Variants in LRRTM4 observed in about 807,000 individuals in gnomAD.
LRRTM4 encodes leucine-rich repeat transmembrane neuronal protein 4.
Under a neutral mutation model 47.6 loss-of-function variants are expected in LRRTM4, and 25 were observed. The ratio of observed to expected loss-of-function variants is 0.53; its 90% CI spans 0.38 to 0.73. The LOEUF (loss-of-function observed/expected upper bound fraction) is 0.73. Among genes scored for constraint, LRRTM4 ranks in the 30% least tolerant of loss-of-function variants. LRRTM4 has a pLI of 0.00. For missense variants in LRRTM4, 638 were observed against 713.4 expected, an observed-to-expected ratio of 0.89 and a Z score of 1.20; for synonymous variants, 311 against 269.5, an observed-to-expected ratio of 1.15 and a Z score of -1.51.
intron 3 of LRRTM4, among the ~76,000 whole-genome samples, chr2:76,783,469 A>G (rs1299752659): frequency 2.6e-5 from 4 of 152,168 alleles, no homozygotes; most frequent in East Asian, 1.9e-4. Flanking sequence ...GTTGTGCCAC[A>G]TCATGACCAT....
intron 3 of LRRTM4, among the ~76,000 whole-genome samples, chr2:77,130,824 ATTTTTTTT>A (rs768577274): frequency 2.8e-4 from 10 of 35,632 alleles, no homozygotes; most frequent in East Asian, 1.1e-3. Flanking sequence ...TATTTGTTCT[ATTTTTTTT>A]TTTTTTTTTT....
chr2:76,918,207 T>C (rs948575946), intron 3 of LRRTM4, among the ~76,000 whole-genome samples: 1 of 152,258 alleles, frequency 6.6e-6, no homozygotes, highest in African/African-American at 2.4e-5. Flanking sequence ...AAATGTCTGC[T>C]TTCTTAATCC....
In LRRTM4 at chr2:77,275,623, C is replaced by A. The variant is rs76541363; in HGVS notation, c.1551+242695G>T. ...CTGTGTATCTTGCTTGGCTACCCTCCGGTCTATGCAAGGATTTAGGCTTCT... is the reference window on the plus strand; with the variant it reads ...CTGTGTATCTTGCTTGGCTACCCTCAGGTCTATGCAAGGATTTAGGCTTCT... On this transcript the variant is annotated intron_variant, in intron 3 of 3. Transcript: ENST00000409884. 8.5e-3 allele frequency among the ~76,000 whole-genome samples: 1,297 copies of A among 152,156 alleles called. 14 individuals are homozygous for A. Among genetic ancestry groups the A allele is most frequent in the African/African-American group, 0.029 (1,213 of 41,512 alleles).
At chr2:77,083,310 G>T (rs1680591069) in intron 3 of LRRTM4, among the ~76,000 whole-genome samples, 2 of 152,266 alleles carry the variant, frequency 1.3e-5, no homozygotes, top group African/African-American at 4.8e-5. Flanking sequence ...GAGCTCCATA[G>T]TAGGGGTCCT....
chr2:77,392,884 C>T (rs191822876), intron 3 of LRRTM4, among the ~76,000 whole-genome samples: 1 of 152,098 alleles, frequency 6.6e-6, no homozygotes, highest in East Asian at 1.9e-4. Flanking sequence ...GTTCTCATCA[C>T]ACACAAAAAT....
intron 3 of LRRTM4, among the ~76,000 whole-genome samples, chr2:77,093,821 G>A (rs1388920678): frequency 6.6e-6 from 1 of 151,794 alleles, no homozygotes; most frequent in Non-Finnish European, 1.5e-5. Context: ...AAGTGTAAAT[G>A]GCCGGTCCTT....
intron 3 of LRRTM4, among the ~76,000 whole-genome samples, chr2:77,343,258 A>T (rs11895747): frequency 0.071 from 10,823 of 151,928 alleles, 637 homozygotes; most frequent in East Asian, 0.17. Flanking sequence ...TTTTTAACAC[A>T]TGCTACAAAA....
At chr2:76,846,252 G>C (rs1558689981) in intron 3 of LRRTM4, among the ~76,000 whole-genome samples, 2 of 152,004 alleles carry the variant, frequency 1.3e-5, no homozygotes, top group Non-Finnish European at 2.9e-5. Flanking sequence ...TTTAAGGCTG[G>C]ACTCACTCCC....
At chr2:77,072,873 C>T (rs982217372) in intron 3 of LRRTM4, among the ~76,000 whole-genome samples, 5 of 148,294 alleles carry the variant, frequency 3.4e-5, no homozygotes, top group African/African-American at 5.0e-5. Flanking sequence ...CTCAGTTATT[C>T]GGCTACTTGC....
chr2:77,466,238 G>A (rs544177112), intron 3 of LRRTM4, among the ~76,000 whole-genome samples: 1 of 152,274 alleles, frequency 6.6e-6, no homozygotes, highest in Non-Finnish European at 1.5e-5. Context: ...GAATGGAGGT[G>A]AAAAGAACTC....
intron 3 of LRRTM4, among the ~76,000 whole-genome samples, chr2:76,982,613 G>A (rs545821139): frequency 6.6e-6 from 1 of 152,160 alleles, no homozygotes; most frequent in South Asian, 2.1e-4. Context: ...ACTTAGTCAT[G>A]ATGCTGCAGT....
intron 3 of LRRTM4, among the ~76,000 whole-genome samples, chr2:77,250,510 C>T (rs545464415): frequency 5.3e-4 from 81 of 152,138 alleles, no homozygotes; most frequent in African/African-American, 1.5e-3. Context: ...ACTACTGAAA[C>T]GTTACATATA....
intron 3 of LRRTM4, among the ~76,000 whole-genome samples, chr2:77,371,282 C>A (rs958698871): frequency 1.3e-5 from 2 of 151,742 alleles, no homozygotes; most frequent in African/African-American, 4.8e-5. Flanking sequence ...CTGCCAAAGA[C>A]CATCATAGAA....
chr2:76,873,506 G>GTGTATATATA (rs367573475), intron 3 of LRRTM4, among the ~76,000 whole-genome samples: 5,984 of 112,182 alleles, frequency 0.053, 339 homozygotes, highest in East Asian at 0.24. Context: ...ATATATGTGT[G>GTGTATATATA]TATATATATA....
intron 3 of LRRTM4, among the ~76,000 whole-genome samples, chr2:76,837,222 T>C (rs1275393354): frequency 6.6e-6 from 1 of 152,156 alleles, no homozygotes; most frequent in African/African-American, 2.4e-5. Context: ...GTGGGATCGG[T>C]GGTGATATCC....
At chr2:76,861,889 A>G (rs982003303) in intron 3 of LRRTM4, among the ~76,000 whole-genome samples, 1 of 152,148 alleles carries the variant, frequency 6.6e-6, no homozygotes, top group African/African-American at 2.4e-5. Flanking sequence ...TGGAAACAGG[A>G]AATACATCAA....
At chr2:77,477,869 GAAAGAAAGAA>G (rs1677471662) in intron 3 of LRRTM4, among the ~76,000 whole-genome samples, 1 of 111,512 alleles carries the variant, frequency 9.0e-6, no homozygotes, top group Non-Finnish European at 1.9e-5. Context: ...AAGAGAGAGA[GAAAGAAAGAA>G]AGAGAAAGAA....
intron 3 of LRRTM4, among the ~76,000 whole-genome samples, chr2:76,783,878 G>A (rs1674527883): frequency 6.6e-6 from 1 of 152,136 alleles, no homozygotes; most frequent in Non-Finnish European, 1.5e-5. Context: ...GGAGAAGAAT[G>A]TGTATGATTT....
intron 3 of LRRTM4, among the ~76,000 whole-genome samples, chr2:77,325,168 G>T (rs764700020): frequency 2.6e-5 from 4 of 151,938 alleles, no homozygotes; most frequent in African/African-American, 7.3e-5. Flanking sequence ...TAATGAAATC[G>T]CCAAAGGACT....
Sources: gnomAD v4.1 joint callset for allele counts (sites outside exome capture counted in the v4.1 genomes callset) on GRCh38, gnomAD v4.1.1 for gene constraint, MANE v1.5 for transcripts, NCBI Gene and HGNC (gene_info 2026-07-23, HGNC 2026-07-21) for gene names.